The following MYO16 variants were observed in gnomAD, a reference collection of about 807,000 sequenced individuals.
MYO16 encodes unconventional myosin-XVI.
In MYO16, 94 loss-of-function variants were observed where a neutral mutation model predicts 205.3. That is an observed-to-expected ratio of 0.46 (90% CI 0.39 to 0.54). The LOEUF (loss-of-function observed/expected upper bound fraction) is 0.54, where lower values mean the gene tolerates loss of function less well. Among genes scored for constraint, MYO16 ranks in the 20% least tolerant of loss-of-function variants. The pLI is 0.00. For missense variants in MYO16, 2,315 were observed against 2,387.5 expected (o/e 0.97, Z 0.63); for synonymous variants, 988 against 954.0 (o/e 1.04, Z -0.66).
At chr13:108,890,102 G>GAATT (rs1555309571) in intron 14 of MYO16, among the ~76,000 whole-genome samples, 478 of 65,620 alleles carry the variant, frequency 7.3e-3, no homozygotes, top group African/African-American at 0.026. Flanking sequence ...GCTAATTTTT[G>GAATT]TATTTTTTTT....
intron 14 of MYO16, among the ~76,000 whole-genome samples, chr13:108,895,802 C>T (rs889725147): frequency 2.6e-5 from 4 of 152,140 alleles, no homozygotes; most frequent in African/African-American, 9.7e-5. Flanking sequence ...TAGAACACTG[C>T]CTGGTACATA....
intron 27 of MYO16, among the ~76,000 whole-genome samples, chr13:109,079,196 T>C (rs1267843222): frequency 2.0e-5 from 3 of 152,170 alleles, no homozygotes; most frequent in Admixed American, 1.3e-4. Context: ...TTAATTCATT[T>C]GTTTTCTGTC....
At chr13:108,976,136 C>A (rs547311923) in intron 20 of MYO16, among the ~76,000 whole-genome samples, 1 of 152,084 alleles carries the variant, frequency 6.6e-6, no homozygotes, top group Non-Finnish European at 1.5e-5. Context: ...CATCTAGAAA[C>A]TGCAGAATAA....
At chr13:108,922,557 GC>G (rs1881790280) in intron 16 of MYO16, among the ~76,000 whole-genome samples, 1 of 152,200 alleles carries the variant, frequency 6.6e-6, no homozygotes, top group Admixed American at 6.5e-5. Flanking sequence ...AAAATCCGGT[GC>G]TTATGTAATC....
chr13:108,607,970 C>A (rs1336812036), intron 1 of MYO16, among the ~76,000 whole-genome samples: 1 of 152,210 alleles, frequency 6.6e-6, no homozygotes, highest in Non-Finnish European at 1.5e-5. Flanking sequence ...AGCTCAATCT[C>A]AGCATGTCTA....
At chr13:108,604,082 A>C (rs1878863814) in intron 1 of MYO16, among the ~76,000 whole-genome samples, 1 of 152,118 alleles carries the variant, frequency 6.6e-6, no homozygotes, top group African/African-American at 2.4e-5. Context: ...CTAAGGAGGA[A>C]AAGCCCCTTC....
At chr13:108,676,372 CGTGTGTGT>C (rs35790433) in intron 2 of MYO16, among the ~76,000 whole-genome samples, 3,498 of 131,744 alleles carry the variant, frequency 0.027, 68 homozygotes, top group African/African-American at 0.069. Flanking sequence ...TATATGTACG[CGTGTGTGT>C]GTGTGTGTGT....
chr13:109,065,737 C>G (rs1887727929), intron 27 of MYO16: 1 of 310,248 alleles, frequency 3.2e-6, no homozygotes, highest in Non-Finnish European at 6.3e-6. Context: ...TGTCACTCCT[C>G]TCCATCTTCA....
At chr13:109,171,195 C>G (rs1286699803) in intron 33 of MYO16, among the ~76,000 whole-genome samples, 1 of 152,134 alleles carries the variant, frequency 6.6e-6, no homozygotes, top group Non-Finnish European at 1.5e-5. Flanking sequence ...AAATCCCATA[C>G]AGAGGGCAGA....
intron 15 of MYO16, among the ~76,000 whole-genome samples, chr13:108,906,342 C>G (rs1880976026): frequency 6.6e-6 from 1 of 152,112 alleles, no homozygotes; most frequent in Non-Finnish European, 1.5e-5. Flanking sequence ...AAAATATCTT[C>G]CAGTAAATAT....
In MYO16 at chr13:109,127,700, A is replaced by C. The variant is rs548424295; in HGVS notation, c.4051+150A>C. The stretch of plus-strand genomic sequence containing the variant: ...GCTTGCCAGCAGCTCTTAATCATTA[A>C]ATATAAATAATATTTATTCAAATCT... On this transcript the variant is annotated intron_variant, in intron 31 of 34. Coordinates refer to ENST00000457511, the MANE Select transcript of MYO16 (RefSeq NM_001198950.3). The surrounding 1 kb of genome is among the most constrained non-coding windows in gnomAD (Gnocchi z 4.2). The C allele has an allele frequency of 4.3e-4, 313 of 724,398 alleles. 1 individual carries two copies. In the African/African-American group the frequency reaches 4.4e-3, roughly 10 times the overall value. 44.9% of individuals were successfully genotyped at this position (724,398 alleles called of 1,614,324 possible).
intron 23 of MYO16, among the ~76,000 whole-genome samples, chr13:109,041,263 A>G (rs1744360611): frequency 6.6e-6 from 1 of 152,218 alleles, no homozygotes; most frequent in South Asian, 2.1e-4. Context: ...TATAGTGTCA[A>G]TTTAATAGTA....
At chr13:108,696,518 A>T (rs1162473681) in intron 2 of MYO16, among the ~76,000 whole-genome samples, 3 of 152,120 alleles carry the variant, frequency 2.0e-5, no homozygotes, top group Non-Finnish European at 1.5e-5. Context: ...CTTTAAATGA[A>T]ATTCCAGTGT....
intron 23 of MYO16, among the ~76,000 whole-genome samples, chr13:109,023,821 T>G (rs1257001588): frequency 7.3e-6 from 1 of 136,618 alleles, no homozygotes; most frequent in African/African-American, 2.6e-5. Flanking sequence ...ATTTATATTT[T>G]ATATTTGCAT....
chr13:109,196,428 A>C (rs1880156673), intron 34 of MYO16, among the ~76,000 whole-genome samples: 1 of 152,172 alleles, frequency 6.6e-6, no homozygotes, highest in African/African-American at 2.4e-5. Context: ...GAGTATCCCA[A>C]CCCATAGGGA....
chr13:108,808,551 G>T (rs576579257), intron 7 of MYO16, among the ~76,000 whole-genome samples: 38 of 151,860 alleles, frequency 2.5e-4, no homozygotes, highest in Non-Finnish European at 4.4e-4. Flanking sequence ...GACCTCAGGT[G>T]ATCCACCTGC....
At chr13:108,881,754 TAAAAAG>T (rs1344297546) in intron 12 of MYO16, among the ~76,000 whole-genome samples, 1 of 151,200 alleles carries the variant, frequency 6.6e-6, no homozygotes, top group African/African-American at 2.4e-5. Context: ...GAAAAAAGAG[TAAAAAG>T]AAATGAACAA....
At position 109,022,328 on chromosome 13, in the gene MYO16, T is replaced by TATTATACAA. The variant is rs1375058280; in HGVS notation, c.2796+2419_2796+2420insTATACAAAT. 6.0e-4 allele frequency among the ~76,000 whole-genome samples: 73 copies of TATTATACAA among 121,168 alleles called. 1 individual carries two copies. The highest frequency in any genetic ancestry group is 2.4e-3 in the African/African-American group (69 of 29,234). 79.5% of individuals were successfully genotyped at this position (121,168 alleles called of 152,430 possible). ...TATATTTATATATTATATACAAATA[T>TATTATACAA]ATATTTATATATTATATACAAATAT... On this transcript the variant is annotated intron_variant, in intron 23 of 34. Transcript: ENST00000457511.
the MYO16 span, among the ~76,000 whole-genome samples, chr13:108,547,042 G>A: frequency 7.2e-5 from 11 of 152,198 alleles, no homozygotes; most frequent in Middle Eastern, 3.4e-3. Flanking sequence ...GGAGGCCGAC[G>A]TGGGTGGATC....
Sources: gnomAD v4.1 joint callset for allele counts (sites outside exome capture counted in the v4.1 genomes callset) on GRCh38, gnomAD v4.1.1 for gene constraint, Gnocchi (gnomAD v3.1) non-coding constraint, MANE v1.5 for transcripts, NCBI Gene and HGNC (gene_info 2026-07-23, HGNC 2026-07-21) for gene names.